The following CSMD1 variants were observed in gnomAD, a reference collection of about 807,000 sequenced individuals.
CSMD1 encodes CUB and Sushi multiple domains 1.
A neutral mutation model predicts 417.5 loss-of-function variants in CSMD1; 213 were observed. The ratio of observed to expected loss-of-function variants is 0.51; its 90% CI spans 0.46 to 0.57. The LOEUF is 0.57. Among genes scored for constraint, CSMD1 ranks in the 20% least tolerant of loss-of-function variants. The pLI, the probability that CSMD1 is intolerant of heterozygous loss-of-function variation, is 0.00. For missense variants in CSMD1, 6,923 were observed against 4,529.7 expected (o/e 1.53, Z -15.17); for synonymous variants, 2,862 against 1,736.8 (o/e 1.65, Z -16.11).
intron 3 of CSMD1, among the ~76,000 whole-genome samples, chr8:4,389,526 T>C (rs1803703456): frequency 6.6e-6 from 1 of 152,148 alleles, no homozygotes; most frequent in African/African-American, 2.4e-5. Flanking sequence ...ATCAGTCATA[T>C]ACTCAGCAGA....
At chr8:3,179,153 G>C (rs947023221) in intron 37 of CSMD1, among the ~76,000 whole-genome samples, 11 of 151,330 alleles carry the variant, frequency 7.3e-5, no homozygotes, top group African/African-American at 2.2e-4. Flanking sequence ...CAACGTGTTA[G>C]CCAGGACTGT....
At chr8:3,839,541 T>G (rs568644371) in intron 5 of CSMD1, among the ~76,000 whole-genome samples, 4 of 86,450 alleles carry the variant, frequency 4.6e-5, no homozygotes, top group Non-Finnish European at 7.5e-5. Context: ...TAAGATTTTA[T>G]ATATTATATA....
chr8:4,437,456 CA>C (rs1248844662), intron 2 of CSMD1, among the ~76,000 whole-genome samples: 1 of 152,120 alleles, frequency 6.6e-6, no homozygotes, highest in Non-Finnish European at 1.5e-5. Context: ...AAACATTCAC[CA>C]AAAGTTAATT....
At chr8:3,909,769 C>G (rs963279049) in intron 5 of CSMD1, among the ~76,000 whole-genome samples, 11 of 152,120 alleles carry the variant, frequency 7.2e-5, no homozygotes, top group Admixed American at 5.9e-4. Flanking sequence ...CTAATACGAA[C>G]TCGACAAATT....
intron 3 of CSMD1, among the ~76,000 whole-genome samples, chr8:4,081,574 C>T (rs1382191179): frequency 1.3e-5 from 2 of 151,934 alleles, no homozygotes. Context: ...CCTAGTTGAC[C>T]CAGAACACTA....
At chr8:4,066,207 G>A (rs1185664737) in intron 3 of CSMD1, among the ~76,000 whole-genome samples, 1 of 152,206 alleles carries the variant, frequency 6.6e-6, no homozygotes, top group African/African-American at 2.4e-5. Context: ...TGTTTCAACT[G>A]CCAGTCATGG....
At chr8:4,859,080 G>A (rs939936086) in intron 1 of CSMD1, among the ~76,000 whole-genome samples, 2 of 151,886 alleles carry the variant, frequency 1.3e-5, no homozygotes, top group African/African-American at 2.4e-5. Flanking sequence ...ATAGATCAAT[G>A]GAACAGAACA....
intron 3 of CSMD1, among the ~76,000 whole-genome samples, chr8:4,073,263 A>C (rs1168874422): frequency 6.6e-6 from 1 of 152,220 alleles, no homozygotes; most frequent in Non-Finnish European, 1.5e-5. Context: ...AGGTAAAAAT[A>C]GGCCAAAATT....
At chr8:4,469,815 C>A (rs903708099) in intron 2 of CSMD1, among the ~76,000 whole-genome samples, 1 of 152,018 alleles carries the variant, frequency 6.6e-6, no homozygotes, top group African/African-American at 2.4e-5. Flanking sequence ...ACGGAGGGAA[C>A]CCAAAGTCCT....
chr8:3,704,788 G>T (rs760698366), intron 7 of CSMD1: 4 of 152,226 alleles, frequency 2.6e-5, no homozygotes, highest in African/African-American at 2.4e-5. Flanking sequence ...GGCTGTCAGG[G>T]AAATTCTCCC....
chr8:3,737,194 A>G (rs988712438), intron 6 of CSMD1, among the ~76,000 whole-genome samples: 3 of 151,572 alleles, frequency 2.0e-5, no homozygotes, highest in Non-Finnish European at 2.9e-5. Flanking sequence ...AATCACAAAC[A>G]ATGACTATCG....
At chr8:4,174,657 A>T (rs1249927267) in intron 3 of CSMD1, among the ~76,000 whole-genome samples, 1 of 145,164 alleles carries the variant, frequency 6.9e-6, no homozygotes. Flanking sequence ...GAATTATAGG[A>T]AACAGACCCA....
chr8:4,088,987 TG>T (rs144850631), intron 3 of CSMD1, among the ~76,000 whole-genome samples: 2,536 of 152,298 alleles, frequency 0.017, 75 homozygotes, highest in African/African-American at 0.059. Flanking sequence ...TGTGCTCCCT[TG>T]GTGCATACAG....
chr8:3,639,395 A>C lies in CSMD1; in HGVS notation c.1010-22598T>G, dbSNP rs1297660974. 2.0e-5 allele frequency among the ~76,000 whole-genome samples: 3 copies of C among 152,236 alleles called. No homozygotes were observed. The East Asian group carries it at 5.8e-4, about 29-fold the overall frequency. On this transcript the variant is annotated intron_variant, in intron 7 of 69. Transcript: ENST00000635120. ...AGTGAATGAGTGAGGGTTCATCAAA[A>C]TTCCCAGAAATCATTTCACCAACTT...
At chr8:3,065,385 G>C (rs1245344821) in intron 49 of CSMD1, among the ~76,000 whole-genome samples, 2 of 152,032 alleles carry the variant, frequency 1.3e-5, no homozygotes. Flanking sequence ...TCAAAAGAAA[G>C]ATAGAAAGGT....
chr8:3,902,285 A>G (rs1807806238), intron 5 of CSMD1, among the ~76,000 whole-genome samples: 1 of 152,108 alleles, frequency 6.6e-6, no homozygotes, highest in Admixed American at 6.5e-5. Context: ...GCCCTCACCC[A>G]TTACTGTCAA....
chr8:3,309,917 ATTTCCTTCCATAAAG>A (rs946460333), intron 23 of CSMD1, among the ~76,000 whole-genome samples: 4 of 152,122 alleles, frequency 2.6e-5, no homozygotes, highest in African/African-American at 4.8e-5. Context: ...GACTAAGAAA[ATTTCCTTCCATAAAG>A]TTTCCTTCCA....
At chr8:4,062,896 G>C (rs895781854) in intron 3 of CSMD1, among the ~76,000 whole-genome samples, 1 of 145,322 alleles carries the variant, frequency 6.9e-6, no homozygotes, top group South Asian at 2.2e-4. Flanking sequence ...GTAAACTGCA[G>C]CAATATTACT....
intron 3 of CSMD1, among the ~76,000 whole-genome samples, chr8:4,125,699 C>T (rs1026673246): frequency 3.3e-5 from 5 of 152,178 alleles, no homozygotes; most frequent in Non-Finnish European, 2.9e-5. Context: ...TGGGCATAGG[C>T]TGAACTAAAT....
Sources: gnomAD v4.1 joint callset for allele counts (sites outside exome capture counted in the v4.1 genomes callset) on GRCh38, gnomAD v4.1.1 for gene constraint, MANE v1.5 for transcripts, NCBI Gene and HGNC (gene_info 2026-07-23, HGNC 2026-07-21) for gene names.